Variants in ADGRE3 observed in about 807,000 individuals in gnomAD.
ADGRE3 encodes the protein adhesion G protein-coupled receptor E3, also known as EGF-like module receptor 3.
In ADGRE3, 88 loss-of-function variants were observed where a neutral mutation model predicts 80.1. That is an observed-to-expected ratio of 1.10 (90% CI 0.93 to 1.31). The LOEUF (loss-of-function observed/expected upper bound fraction) is 1.31. ADGRE3 is among the 40% of genes most tolerant of loss of function. The pLI, the probability that ADGRE3 is intolerant of heterozygous loss-of-function variation, is 0.00. For missense variants in ADGRE3, 715 were observed against 776.5 expected (o/e 0.92, Z 0.94); for synonymous variants, 281 against 294.8 (o/e 0.95, Z 0.48).
At chr19:14,608,656 CAG>C in the ADGRE3 span, among the ~76,000 whole-genome samples, 1 of 121,018 alleles carries the variant, frequency 8.3e-6, no homozygotes, top group African/African-American at 3.3e-5. Flanking sequence ...TTTTTTGAGA[CAG>C]AGTCTCACTC....
intron 1 of ADGRE3, among the ~76,000 whole-genome samples, chr19:14,673,782 A>G (rs1972316814): frequency 6.6e-6 from 1 of 152,220 alleles, no homozygotes; most frequent in Admixed American, 6.5e-5. Flanking sequence ...TGTTACACGC[A>G]TAGATTTCAT....
intron 10 of ADGRE3, among the ~76,000 whole-genome samples, chr19:14,641,074 G>T (rs117412371): frequency 0.012 from 1,870 of 152,092 alleles, 12 homozygotes; most frequent in Non-Finnish European, 0.021. Flanking sequence ...CCCATAATTT[G>T]TGCCCCTAGA....
chr19:14,660,577 T>C (rs1365445635), intron 4 of ADGRE3, among the ~76,000 whole-genome samples: 1 of 151,730 alleles, frequency 6.6e-6, no homozygotes. Flanking sequence ...TGTGCAATGA[T>C]TGTGCCACTG....
At chr19:14,621,268 C>T (rs1453703620) in intron 15 of ADGRE3, among the ~76,000 whole-genome samples, 1 of 152,012 alleles carries the variant, frequency 6.6e-6, no homozygotes, top group East Asian at 1.9e-4. Flanking sequence ...GCCTGGCCAA[C>T]ATGGTGAAAC....
intron 2 of ADGRE3, among the ~76,000 whole-genome samples, chr19:14,665,937 T>TATATATATGCATACAC (rs1491540091): frequency 1.0e-4 from 2 of 19,964 alleles, no homozygotes; most frequent in Admixed American, 1.4e-3. Context: ...CACATATGTG[T>TATATATATGCATACAC]ATATATATAT....
the ADGRE3 span, among the ~76,000 whole-genome samples, chr19:14,607,717 C>T: frequency 6.6e-6 from 1 of 151,770 alleles, no homozygotes; most frequent in Non-Finnish European, 1.5e-5. Context: ...GCTGGGATTA[C>T]AGACACCCGC....
chr19:14,674,673 A>G (rs1395947055), intron 1 of ADGRE3, 73 bp downstream of exon 1: 3 of 1,486,390 alleles, frequency 2.0e-6, no homozygotes, highest in Non-Finnish European at 2.8e-6. Flanking sequence ...GGAGAAAATA[A>G]CCAATTGTTG....
intron 6 of ADGRE3, among the ~76,000 whole-genome samples, chr19:14,653,281 A>G (rs942851802): frequency 1.3e-5 from 2 of 152,014 alleles, no homozygotes; most frequent in Non-Finnish European, 2.9e-5. Context: ...CCTGCCCACA[A>G]TGTTAATTTC....
intron 6 of ADGRE3, among the ~76,000 whole-genome samples, chr19:14,654,655 T>A (rs1971703644): frequency 6.6e-6 from 1 of 152,122 alleles, no homozygotes; most frequent in Admixed American, 6.6e-5. Context: ...GTATAATTGA[T>A]GTCTAACCAA....
At chr19:14,671,988 G>A (rs1276907418) in intron 1 of ADGRE3, among the ~76,000 whole-genome samples, 4 of 152,120 alleles carry the variant, frequency 2.6e-5, no homozygotes, top group African/African-American at 9.7e-5. Flanking sequence ...GGCCTCAAGT[G>A]ATCCTCCTTC....
At position 14,647,352 on chromosome 19, in the gene ADGRE3, A is replaced by G. The variant is rs1334510436; in HGVS notation, c.711T>C (p.Ile237=). Residue 237 remains isoleucine (I), a synonymous_variant, in exon 8 of 16, where the codon ATT becomes ATC. Coordinates refer to ENST00000253673, the MANE Select transcript of ADGRE3 (RefSeq NM_032571.5). ...CAAGAGAAGAATATGAGATAAAGGC[A>G]ATGGCACTGGGACCTGAGGAAACAG... is the stretch of plus-strand genomic sequence containing the variant. ...IQGDTQGPSA[I]AFISYSSLGN... is the part of the protein sequence containing the mutation. 1 of 1,608,004 alleles carries G rather than the reference A, an allele frequency of 6.2e-7. No individual in the cohort carries two copies. The highest frequency in any genetic ancestry group is 1.1e-5 in the South Asian group (1 of 90,934).
Position 14,651,201 on chromosome 19 carries a change from A to T in ADGRE3, c.581T>A (p.Ile194Asn). 3 of 1,614,096 alleles carry T rather than the reference A, an allele frequency of 1.9e-6. No homozygotes were observed. Among genetic ancestry groups the T allele is most frequent in the Non-Finnish European group, 2.5e-6 (3 of 1,179,972 alleles). Residue 194 changes from isoleucine (I) to asparagine (N), a missense_variant, in exon 7 of 16, where the codon ATT becomes AAT. Transcript: ENST00000253673. ...VLKIQNDSVA[I>N]ETQAITDNCS... Reference sequence around the variant, plus strand: ...ATTGTCTGTAATCGCTTGAGTTTCAATAGCTGGTAAGAAAAGCAATGGGCA... The same window carrying T: ...ATTGTCTGTAATCGCTTGAGTTTCATTAGCTGGTAAGAAAAGCAATGGGCA...
At chr19:14,644,022 T>C (rs1971328198) in intron 9 of ADGRE3, 86 bp downstream of exon 9, 4 of 511,198 alleles carry the variant, frequency 7.8e-6, no homozygotes, top group Non-Finnish European at 1.0e-5. Flanking sequence ...TTTTTCAGTT[T>C]TTTTTTTTTT....
Position 14,655,170 on chromosome 19 carries a change from GA to G in ADGRE3, c.394-6del, listed in dbSNP as rs920865926. On this transcript the variant is annotated splice_region_variant and splice_polypyrimidine_tract_variant and intron_variant, in intron 5 of 15. Transcript: ENST00000253673. ...TTTGTCCACAATCTTTTGCAGCTTT[GA>G]AGACATAAAGAATTTTCATTTTTTA... 1 of 1,601,858 alleles carries G rather than the reference GA, an allele frequency of 6.2e-7. No homozygotes were observed. The highest frequency in any genetic ancestry group is 1.4e-5 in the African/African-American group (1 of 73,908).
In ADGRE3 at chr19:14,620,487, A is replaced by C. The variant is rs371173159; in HGVS notation, c.1921-1016T>G. ...ATGAATATATTATGAGTACATATGA[A>C]TATATATGAATATATGAATATATTA... On this transcript the variant is annotated intron_variant, in intron 15 of 15. Transcript: ENST00000253673. Among the ~76,000 whole-genome samples, 8 of 29,126 alleles carry C rather than the reference A, an allele frequency of 2.7e-4. No homozygotes were observed. In the East Asian group the frequency reaches 7.4e-3, roughly 27 times the overall value. 19.1% of individuals were successfully genotyped at this position (29,126 alleles called of 152,430 possible).
chr19:14,636,081 C>CCTTTCTTTCTTTCTTTCTTTCTTT (rs1173314767), intron 11 of ADGRE3, among the ~76,000 whole-genome samples: 3 of 24,674 alleles, frequency 1.2e-4, no homozygotes, highest in Admixed American at 5.3e-4. Flanking sequence ...CTTTCCTTTC[C>CCTTTCTTTCTTTCTTTCTTTCTTT]CTTTCTTTCT....
chr19:14,628,768 G>T, intron 14 of ADGRE3: 1 of 313,006 alleles, frequency 3.2e-6, no homozygotes, highest in South Asian at 3.0e-5. Flanking sequence ...AAGGCTGTGT[G>T]ATCCTGGAAT....
chr19:14,641,191 T>C (rs8102930), intron 10 of ADGRE3, among the ~76,000 whole-genome samples: 63,796 of 152,022 alleles, frequency 0.42, 13,564 homozygotes, highest in South Asian at 0.61. Context: ...GTATCTCCCA[T>C]GTATATATGA....
chr19:14,649,220 ATC>A (rs1971510457), intron 7 of ADGRE3, among the ~76,000 whole-genome samples: 1 of 104,972 alleles, frequency 9.5e-6, no homozygotes. Context: ...CTCTCTCCCC[ATC>A]TCTCTCTTTC....
Sources: gnomAD v4.1 joint callset for allele counts (sites outside exome capture counted in the v4.1 genomes callset) on GRCh38, gnomAD v4.1.1 for gene constraint, MANE v1.5 for transcripts, NCBI Gene and HGNC (gene_info 2026-07-23, HGNC 2026-07-21) for gene names.